Variants in FIG4 observed in about 807,000 individuals in gnomAD.
The protein encoded by FIG4 is polyphosphoinositide phosphatase.
A neutral mutation model predicts 118.6 loss-of-function variants in FIG4; 112 were observed. That is an observed-to-expected ratio of 0.94 (90% CI 0.81 to 1.11). FIG4 has a LOEUF of 1.11. FIG4 is among the 50% of genes least tolerant of loss of function. FIG4 has a pLI of 0.00. For synonymous variants in FIG4, 369 were observed against 381.2 expected, an observed-to-expected ratio of 0.97 and a Z score of 0.37; for missense variants, 969 against 1,111.7, an observed-to-expected ratio of 0.87 and a Z score of 1.83.
chr6:109,752,835 T>G (rs1776754190), intron 10 of FIG4, among the ~76,000 whole-genome samples: 1 of 152,172 alleles, frequency 6.6e-6, no homozygotes, highest in African/African-American at 2.4e-5. Context: ...CAGAAGCTCT[T>G]TAGTTTAATT....
intron 1 of FIG4, among the ~76,000 whole-genome samples, chr6:109,706,398 C>T (rs1736842162): frequency 6.6e-6 from 1 of 152,132 alleles, no homozygotes; most frequent in African/African-American, 2.4e-5. Flanking sequence ...AGTCAAATGC[C>T]CTTCCTGTGT....
chr6:109,703,076 T>C (rs549752598), intron 1 of FIG4, among the ~76,000 whole-genome samples: 1 of 150,908 alleles, frequency 6.6e-6, no homozygotes, highest in South Asian at 2.1e-4. Flanking sequence ...AATTACTTCA[T>C]GAGAAAGGGT....
chr6:109,797,896 CAAAAAAA>C (rs11341028), intron 22 of FIG4, among the ~76,000 whole-genome samples: 1 of 78,924 alleles, frequency 1.3e-5, no homozygotes, highest in East Asian at 3.0e-4. Flanking sequence ...ACTCCATCTC[CAAAAAAA>C]AAAAAAAAAA....
chr6:109,793,161 C>T (rs949536009), intron 21 of FIG4, among the ~76,000 whole-genome samples: 16 of 152,324 alleles, frequency 1.1e-4, no homozygotes, highest in African/African-American at 3.4e-4. Context: ...ATTTATGATG[C>T]ATGCAGGTAT....
intron 1 of FIG4, among the ~76,000 whole-genome samples, chr6:109,695,810 G>A (rs1175810257): frequency 2.0e-5 from 3 of 152,192 alleles, no homozygotes; most frequent in African/African-American, 7.2e-5. Context: ...TTCTATAGAA[G>A]GCTCTGCTCT....
chr6:109,724,934 C>A (rs1459470335), intron 3 of FIG4, among the ~76,000 whole-genome samples: 1 of 151,688 alleles, frequency 6.6e-6, no homozygotes, highest in Admixed American at 6.6e-5. Context: ...GCATCTTGTG[C>A]AACAGATCTT....
At chr6:109,711,377 C>T (rs6568598) in intron 1 of FIG4, among the ~76,000 whole-genome samples, 67,942 of 151,812 alleles carry the variant, frequency 0.45, 16,688 homozygotes, top group African/African-American at 0.66. Flanking sequence ...CCAGGCTGGG[C>T]GACAGAGCAA....
At chr6:109,745,386 T>TG (rs1161104384) in intron 10 of FIG4, among the ~76,000 whole-genome samples, 1 of 152,218 alleles carries the variant, frequency 6.6e-6, no homozygotes, top group African/African-American at 2.4e-5. Flanking sequence ...ATTTTTCTAA[T>TG]GACCAGTGAT....
intron 22 of FIG4, among the ~76,000 whole-genome samples, chr6:109,803,549 A>G (rs959375885): frequency 6.6e-6 from 1 of 152,190 alleles, no homozygotes; most frequent in South Asian, 2.1e-4. Context: ...GTGGTTTTAG[A>G]TTAGAGAGAT....
intron 18 of FIG4, among the ~76,000 whole-genome samples, chr6:109,786,921 C>T (rs970858102): frequency 4.6e-5 from 7 of 152,146 alleles, no homozygotes; most frequent in South Asian, 2.1e-4. Context: ...CACACACACA[C>T]GCCCCGCAAG....
chr6:109,743,098 C>T lies in FIG4; in HGVS notation c.877-12C>T. ...TAACATAAAATATTTTTCAATGCAC[C>T]TTTCTTTTCAGGGTGATGTTGCAAA... On this transcript the variant is annotated splice_polypyrimidine_tract_variant and intron_variant, in intron 8 of 22. Transcript: ENST00000230124. The T allele has an allele frequency of 1.2e-6, 2 of 1,608,736 alleles. No individual in the cohort carries two copies. The highest frequency in any genetic ancestry group is 2.7e-5 in the African/African-American group (2 of 74,784).
At chr6:109,822,549 CAG>C (rs1779033099) in intron 22 of FIG4, among the ~76,000 whole-genome samples, 1 of 151,702 alleles carries the variant, frequency 6.6e-6, no homozygotes, top group South Asian at 2.1e-4. Context: ...TGCTATATAA[CAG>C]TGTAAAAAAA....
At chr6:109,730,629 T>G (rs1428432627) in intron 4 of FIG4, among the ~76,000 whole-genome samples, 1 of 152,146 alleles carries the variant, frequency 6.6e-6, no homozygotes, top group Admixed American at 6.6e-5. Context: ...AAAAGATCCA[T>G]TTTATGTGGC....
chr6:109,770,739 G>T (rs550626845), intron 15 of FIG4, among the ~76,000 whole-genome samples: 1 of 152,136 alleles, frequency 6.6e-6, no homozygotes, highest in African/African-American at 2.4e-5. Context: ...GATCTCTTGA[G>T]AACTCACTAT....
At chr6:109,797,955 G>C (rs985472403) in intron 22 of FIG4, among the ~76,000 whole-genome samples, 1 of 151,148 alleles carries the variant, frequency 6.6e-6, no homozygotes, top group Non-Finnish European at 1.5e-5. Flanking sequence ...TATATGTGAG[G>C]CATCTAGATC....
At chr6:109,795,885 G>A (rs1426380378) in intron 21 of FIG4, among the ~76,000 whole-genome samples, 1 of 152,170 alleles carries the variant, frequency 6.6e-6, no homozygotes, top group South Asian at 2.1e-4. Context: ...ACAGGCATGA[G>A]CCACTGCGCG....
At chr6:109,754,518 C>T (rs1776818487) in intron 10 of FIG4, among the ~76,000 whole-genome samples, 1 of 152,186 alleles carries the variant, frequency 6.6e-6, no homozygotes, top group African/African-American at 2.4e-5. Flanking sequence ...AGGAATGGTA[C>T]CAGTTCCTCC....
intron 1 of FIG4, among the ~76,000 whole-genome samples, chr6:109,706,928 C>CT (rs767732909): frequency 2.9e-4 from 44 of 152,278 alleles, no homozygotes; most frequent in Non-Finnish European, 5.3e-4. Context: ...CCCCTCTCCT[C>CT]TCAGTGGTGG....
chr6:109,787,842 A>G (rs1778025265), intron 18 of FIG4, among the ~76,000 whole-genome samples: 1 of 152,174 alleles, frequency 6.6e-6, no homozygotes, highest in Non-Finnish European at 1.5e-5. Flanking sequence ...TTGTCAACCA[A>G]TCAATACATA....
Sources: allele counts gnomAD v4.1 joint callset (sites outside exome capture counted in the v4.1 genomes callset), GRCh38; gene constraint gnomAD v4.1.1; transcripts MANE v1.5; gene names NCBI Gene and HGNC (gene_info 2026-07-23, HGNC 2026-07-21).